NOMO1: variants seen among roughly 807,000 people sequenced by gnomAD.
The protein encoded by NOMO1 is NODAL modulator 1, also known as nodal modulator 3.
NOMO1 carries 40 observed loss-of-function variants against 133.8 expected under a neutral mutation model. That is an observed-to-expected ratio of 0.30 (90% CI 0.23 to 0.39). NOMO1 has a LOEUF of 0.39. NOMO1 is among the 10% of genes least tolerant of loss of function. NOMO1 has a pLI of 1.00. For missense variants in NOMO1, 462 were observed against 1,419.9 expected (o/e 0.33, Z 10.84); for synonymous variants, 236 against 570.5 (o/e 0.41, Z 8.36).
intron 27 of NOMO1, among the ~76,000 whole-genome samples, chr16:14,884,957 T>C (rs1475319060): frequency 6.6e-6 from 1 of 152,020 alleles, no homozygotes; most frequent in Non-Finnish European, 1.5e-5. Context: ...ACAGGAAGCA[T>C]AGTGGTGTCT....
intron 15 of NOMO1, among the ~76,000 whole-genome samples, chr16:14,867,816 CATA>C (rs1340315376): frequency 6.8e-6 from 1 of 146,640 alleles, no homozygotes; most frequent in Non-Finnish European, 1.5e-5. Flanking sequence ...ATATCCGGTT[CATA>C]ATAAGTGATA....
At chr16:14,893,111 G>T (rs1200555545) in intron 29 of NOMO1, among the ~76,000 whole-genome samples, 1 of 150,788 alleles carries the variant, frequency 6.6e-6, no homozygotes, top group Non-Finnish European at 1.5e-5. Context: ...CAACGTGGTT[G>T]CCTGAGTTTA....
intron 26 of NOMO1, among the ~76,000 whole-genome samples, 172 bp from the exon 27 acceptor site, chr16:14,884,200 C>G (rs1170030129): frequency 6.6e-6 from 1 of 151,932 alleles, no homozygotes; most frequent in Non-Finnish European, 1.5e-5. Flanking sequence ...CCAGGGATAG[C>G]CATCTTCTGT....
intron 30 of NOMO1, 79 bp from the exon 31 acceptor site, chr16:14,895,435 G>C (rs1209480939): frequency 6.2e-7 from 1 of 1,605,280 alleles, no homozygotes; most frequent in East Asian, 2.3e-5. Context: ...AAGGTGTGTT[G>C]AGAAGTGAGG....
chr16:14,838,316 T>C (rs2151891492), intron 1 of NOMO1, 91 bp from the exon 2 acceptor site: 3 of 1,272,054 alleles, frequency 2.4e-6, no homozygotes, highest in Non-Finnish European at 3.4e-6. Context: ...CCTCAGTGAA[T>C]GTATACTGAC....
intron 18 of NOMO1, among the ~76,000 whole-genome samples, chr16:14,873,307 G>T (rs1243571263): frequency 7.8e-6 from 1 of 128,992 alleles, no homozygotes; most frequent in Non-Finnish European, 1.8e-5. Context: ...TTCCTGAAAG[G>T]TCCCCCTATT....
intron 11 of NOMO1, among the ~76,000 whole-genome samples, chr16:14,861,866 A>C (rs1963926697): frequency 7.3e-6 from 1 of 136,498 alleles, no homozygotes; most frequent in African/African-American, 2.6e-5. Flanking sequence ...TAACCACTTA[A>C]GAGTGTAAAA....
intron 11 of NOMO1, among the ~76,000 whole-genome samples, chr16:14,860,919 A>G (rs1963915044): frequency 6.7e-6 from 1 of 149,512 alleles, no homozygotes; most frequent in Non-Finnish European, 1.5e-5. Flanking sequence ...CAGTGGCGCC[A>G]TCTCGGCTCA....
intron 14 of NOMO1, among the ~76,000 whole-genome samples, chr16:14,866,240 A>C (rs1483670818): frequency 6.7e-6 from 1 of 148,516 alleles, no homozygotes; most frequent in Admixed American, 6.7e-5. Context: ...TTGTATTTTT[A>C]GTAGAGATGG....
chr16:14,864,760 T>G, intron 13 of NOMO1, 34 bp downstream of exon 13: 1 of 1,613,566 alleles, frequency 6.2e-7, no homozygotes, highest in Non-Finnish European at 8.5e-7. Flanking sequence ...AACACATAGT[T>G]TCAAAGAAGT....
chr16:14,888,562 G>C (rs1419878858), intron 28 of NOMO1: 1 of 194,538 alleles, frequency 5.1e-6, no homozygotes, highest in Non-Finnish European at 1.1e-5. Flanking sequence ...TCAGCACACA[G>C]AGCTGTGATG....
chr16:14,840,351 T>C (rs1423219130), intron 2 of NOMO1, among the ~76,000 whole-genome samples: 2 of 69,160 alleles, frequency 2.9e-5, no homozygotes, highest in Middle Eastern at 5.2e-3. Flanking sequence ...CTTTGGGAGG[T>C]TGAGGCAGGT....
At chr16:14,887,716 C>A (rs1187460533) in intron 28 of NOMO1, among the ~76,000 whole-genome samples, 1 of 152,086 alleles carries the variant, frequency 6.6e-6, no homozygotes, top group African/African-American at 2.4e-5. Context: ...GAACATATCA[C>A]CCCATGCTTT....
At position 14,853,600 on chromosome 16, in the gene NOMO1, C is replaced by T. The variant is rs1963791868; in HGVS notation, c.869C>T (p.Thr290Ile). ...SFYSLPSGGYTVIPFYRGERI... is the reference protein window; with the variant it reads ...SFYSLPSGGYIVIPFYRGERI... The stretch of plus-strand genomic sequence containing the variant: ...TATTCCTTGCCAAGTGGGGGCTACA[C>T]TGTGGTGAGTAAAGCAGATTTCCGT... The change falls in exon 8 of 31, where the codon ACT (threonine) becomes ATT (isoleucine). Residue 290 changes from threonine to isoleucine, a missense_variant. Transcript: ENST00000287667. 1.9e-6 allele frequency: 3 copies of T among 1,611,382 alleles called. No individual in the cohort carries two copies. The highest frequency in any genetic ancestry group is 2.5e-6 in the Non-Finnish European group (3 of 1,179,802).
rs1157264284 is a variant in NOMO1, at chr16:14,876,758, A to G, written c.2611A>G (p.Lys871Glu). 1 of 1,610,894 alleles carries G rather than the reference A, an allele frequency of 6.2e-7. No individual in the cohort carries two copies. ...TAVEGTIGDF[K>E]AYALAGVSFE... is the part of the protein sequence containing the mutation. Reference sequence around the variant, plus strand: ...GGTGGAAGGAACCATCGGAGACTTCAAGGCCTATGCCCTGGCAGGCGTAAG... The same window carrying G: ...GGTGGAAGGAACCATCGGAGACTTCGAGGCCTATGCCCTGGCAGGCGTAAG... The change falls in exon 22 of 31, where the codon AAG becomes GAG. Residue 871 changes from lysine (K) to glutamate (E), a missense_variant. Physicochemically the swap from Lys to Glu is moderately conservative, Grantham distance 56. Transcript: ENST00000287667.
rs1429739174 is a variant in NOMO1 at position 14,852,470 on chromosome 16, C to CGGCCAATG, written c.628_629insATGGGCCA (p.Ser210AsnfsTer7). The CGGCCAATG allele has an allele frequency of 1.4e-6, 2 of 1,473,080 alleles. No homozygotes were observed. Among genetic ancestry groups the CGGCCAATG allele is most frequent in the Admixed American group, 5.0e-5 (2 of 40,282 alleles). The allele number at this position is 1,473,080 out of a possible 1,614,324, so 91.3% of individuals were successfully genotyped here. A position where few individuals can be genotyped will look rare whatever the true frequency, so the allele number is the denominator to read the frequency against. On this transcript the variant is annotated frameshift_variant, in exon 7 of 31. Coordinates refer to ENST00000287667, the MANE Select transcript of NOMO1 (RefSeq NM_014287.4). LOFTEE classifies it high-confidence loss of function. ...CGTGTAACCAACTCCAATGCCAATG[C>CGGCCAATG]GGCCAGTCCCCTCATAGTTGCTGGC... is the stretch of plus-strand genomic sequence containing the variant.
chr16:14,841,764 A>C (rs1171227572), intron 3 of NOMO1, among the ~76,000 whole-genome samples: 3 of 151,822 alleles, frequency 2.0e-5, no homozygotes, highest in African/African-American at 7.3e-5. Flanking sequence ...TCAGTTTTTT[A>C]AGTTTTTATG....
chr16:14,850,134 G>C (rs1187932039), intron 6 of NOMO1, among the ~76,000 whole-genome samples: 2 of 148,648 alleles, frequency 1.3e-5, no homozygotes, highest in Non-Finnish European at 3.0e-5. Flanking sequence ...GCAATGGGGC[G>C]ATCTCGGCTC....
At chr16:14,885,477 C>T (rs1178414470) in intron 27 of NOMO1, among the ~76,000 whole-genome samples, 2 of 152,072 alleles carry the variant, frequency 1.3e-5, no homozygotes, top group African/African-American at 4.8e-5. Flanking sequence ...AGACCCTCTA[C>T]GGATGTTAGT....
Sources: allele counts gnomAD v4.1 joint callset (sites outside exome capture counted in the v4.1 genomes callset), GRCh38; gene constraint gnomAD v4.1.1; transcripts MANE v1.5; gene names NCBI Gene and HGNC (gene_info 2026-07-23, HGNC 2026-07-21).